The following KIR3DL1 variants were observed in gnomAD, a reference collection of about 807,000 sequenced individuals.
The protein encoded by KIR3DL1 is killer cell immunoglobulin-like receptor 3DL1.
In KIR3DL1, 50 loss-of-function variants were observed where a neutral mutation model predicts 40.3. That is an observed-to-expected ratio of 1.24 (90% CI 0.99 to 1.57). The LOEUF (loss-of-function observed/expected upper bound fraction) is 1.57. Ranked by LOEUF, KIR3DL1 falls within the 40% of genes most tolerant of loss-of-function variation. The pLI, the probability that KIR3DL1 is intolerant of heterozygous loss-of-function variation, is 0.00. For synonymous variants in KIR3DL1, 257 were observed against 207.2 expected, an observed-to-expected ratio of 1.24 and a Z score of -2.07; for missense variants, 661 against 559.9, an observed-to-expected ratio of 1.18 and a Z score of -1.82.
rs913259539 is a variant in KIR3DL1, at chr19:54,821,980, C to A, written c.949+122C>A. On this transcript the variant is annotated intron_variant, in intron 5 of 8. Coordinates refer to ENST00000391728, the Ensembl canonical transcript of KIR3DL1. Reference sequence around the variant, plus strand: ...AGAGAAGACACAGCAGGTGTGAGGGCGGAGTCAGGGCGCAGGATGGCAGAC... The same window carrying A: ...AGAGAAGACACAGCAGGTGTGAGGGAGGAGTCAGGGCGCAGGATGGCAGAC... The A allele has an allele frequency of 4.0e-6, 5 of 1,244,558 alleles. No homozygotes were observed. In the Admixed American group the frequency reaches 9.9e-5, roughly 25 times the overall value. The allele number at this position is 1,244,558 out of a possible 1,614,324, so 77.1% of individuals were successfully genotyped here.
intron 4 of KIR3DL1, among the ~76,000 whole-genome samples, chr19:54,820,576 G>A (rs1478416415): frequency 6.6e-6 from 1 of 151,408 alleles, no homozygotes; most frequent in African/African-American, 2.4e-5. Flanking sequence ...GGATTCTGAG[G>A]CTCATATTCC....
At chr19:54,819,889 G>A in exon 4 of KIR3DL1, 2 of 1,612,198 alleles carry the variant, frequency 1.2e-6, no homozygotes, top group African/African-American at 1.3e-5. Flanking sequence ...GGTCTCCAAG[G>A]CCAATTTCTC....
intron 2 of KIR3DL1, among the ~76,000 whole-genome samples, chr19:54,817,903 T>C (rs1408216103): frequency 6.9e-6 from 1 of 145,292 alleles, no homozygotes; most frequent in African/African-American, 2.7e-5. Context: ...TCCGTGATGG[T>C]AGGGGCTGCA....
rs1177873135 is a variant in KIR3DL1, at chr19:54,827,923, G to T, written c.1001-1438G>T. On this transcript the variant is annotated intron_variant, in intron 6 of 8. Transcript: ENST00000391728. ...ATCTCACCCCTACTTCCAATCACCT[G>T]TGGAAATACAGATAGATCATGGGGA... Among the ~76,000 whole-genome samples, 16 of 149,876 alleles carry T rather than the reference G, an allele frequency of 1.1e-4. 1 individual carries two copies. The highest frequency in any genetic ancestry group is 3.7e-4 in the African/African-American group (15 of 40,026).
chr19:54,820,517 C>G (rs144011110), intron 4 of KIR3DL1, among the ~76,000 whole-genome samples: 6 of 151,442 alleles, frequency 4.0e-5, no homozygotes, highest in Non-Finnish European at 7.4e-5. Context: ...ATATCATGGC[C>G]CCTGAACACC....
chr19:54,816,568 CG>C (rs1569421888), intron 1 of KIR3DL1, 34 bp downstream of exon 1: 3 of 1,603,986 alleles, frequency 1.9e-6, no homozygotes. Flanking sequence ...GGAGGGAGTG[CG>C]GGGATGGAGA....
In KIR3DL1 at chr19:54,819,609, G is replaced by A. The variant is rs1233988945; in HGVS notation, c.356-104G>A. On this transcript the variant is annotated intron_variant, in intron 3 of 8. Coordinates refer to ENST00000391728, the Ensembl canonical transcript of KIR3DL1. ...GAAAAGACACGGAGATGCAGAGAGG[G>A]AGGAGAGAGACAGACACGGGGAGGG... is the stretch of plus-strand genomic sequence containing the variant. The A allele has an allele frequency of 3.7e-6, 5 of 1,342,198 alleles. No individual in the cohort carries two copies. The African/African-American group carries it at 6.0e-5, about 16-fold the overall frequency. 83.1% of individuals were successfully genotyped at this position (1,342,198 alleles called of 1,614,324 possible).
chr19:54,818,180 G>A (rs2148067514), intron 2 of KIR3DL1, 135 bp from the exon 3 acceptor site: 2 of 830,222 alleles, frequency 2.4e-6, no homozygotes, highest in East Asian at 5.3e-5. Flanking sequence ...TGCAGGATGG[G>A]TCCTTCCTGT....
At chr19:54,821,453 AG>A in intron 4 of KIR3DL1, 111 bp from the exon 5 acceptor site, 2 of 1,301,214 alleles carry the variant, frequency 1.5e-6, no homozygotes, top group African/African-American at 3.0e-5. Context: ...AGGGTGAGAG[AG>A]AGAGAGAGAG....
At chr19:54,820,012 G>T (rs908590959) in exon 4 of KIR3DL1, 1 of 1,609,136 alleles carries the variant, frequency 6.2e-7, no homozygotes, top group Admixed American at 1.7e-5. Flanking sequence ...CGTGGTCACA[G>T]GTGAGAGTGT....
chr19:54,821,770 C>A (rs754894112), exon 5 of KIR3DL1: 8 of 1,607,502 alleles, frequency 5.0e-6, no homozygotes, highest in Non-Finnish European at 5.9e-6. Flanking sequence ...CTGCCACCCA[C>A]GGAGGGACCT....
intron 4 of KIR3DL1, among the ~76,000 whole-genome samples, 191 bp from the exon 5 acceptor site, chr19:54,821,374 G>C (rs35746443): frequency 6.6e-6 from 1 of 150,652 alleles, no homozygotes; most frequent in African/African-American, 2.5e-5. Flanking sequence ...GGGTGGGGAA[G>C]TGAGGTCATA....
At chr19:54,823,787 AAAAGGC>A (rs2061754208) in intron 5 of KIR3DL1, among the ~76,000 whole-genome samples, 1 of 151,578 alleles carries the variant, frequency 6.6e-6, no homozygotes, top group Non-Finnish European at 1.5e-5. Flanking sequence ...CCACCGGCCT[AAAAGGC>A]ATTTTAATGG....
Position 54,818,402 on chromosome 19 carries a change from A to G in KIR3DL1, c.158A>G (p.His53Arg), listed in dbSNP as rs200485372. The G allele has an allele frequency of 1.1e-4, 169 of 1,606,980 alleles. 3 individuals are homozygous for G. The highest frequency in any genetic ancestry group is 1.3e-4 in the Non-Finnish European group (157 of 1,178,168). Residue 53 changes from histidine (H) to arginine (R), a missense_variant, in exon 3 of 9, where the codon CAT becomes CGT. Physicochemically the swap from His to Arg is conservative, Grantham distance 29. This residue lies in a region of KIR3DL1 where 548 missense variants were observed against 413.3 expected (regional missense o/e 1.33). Transcript: ENST00000391728. ...GTGACTCTTCGGTGTCACTATCGTC[A>G]TAGGTTTAACAATTTCATGCTATAC... is the stretch of plus-strand genomic sequence containing the variant.
intron 3 of KIR3DL1, 65 bp downstream of exon 3, chr19:54,818,664 G>T (rs1394179455): frequency 1.9e-6 from 3 of 1,561,894 alleles, no homozygotes; most frequent in Non-Finnish European, 2.6e-6. Context: ...TTCTGGTGGG[G>T]GTGTCCGTCA....
exon 2 of KIR3DL1, chr19:54,817,547 C>T (rs753593921): frequency 4.6e-6 from 7 of 1,511,270 alleles, no homozygotes; most frequent in Middle Eastern, 1.7e-4. Context: ...TGTTCTTGGT[C>T]CAGAGGGCCG....
exon 3 of KIR3DL1, chr19:54,818,495 C>A: frequency 6.2e-7 from 1 of 1,611,170 alleles, no homozygotes. Context: ...AACATGAGCC[C>A]TGTGACCACA....
intron 6 of KIR3DL1, among the ~76,000 whole-genome samples, chr19:54,827,274 T>C (rs1168716321): frequency 6.6e-6 from 1 of 151,190 alleles, no homozygotes. Flanking sequence ...TGAGGGGTGG[T>C]GGAAATGAAG....
intron 3 of KIR3DL1, 31 bp from the exon 4 acceptor site, chr19:54,819,682 T>C (rs766023641): frequency 3.1e-6 from 5 of 1,595,978 alleles, no homozygotes; most frequent in South Asian, 1.1e-5. Context: ...TAAAGAGAGA[T>C]GCCTTCTAAA....
Sources: gnomAD v4.1 joint callset for allele counts (sites outside exome capture counted in the v4.1 genomes callset) on GRCh38, gnomAD v4.1.1 for gene constraint, gnomAD v4.1.1 regional missense constraint, MANE v1.5 for transcripts, NCBI Gene and HGNC (gene_info 2026-07-23, HGNC 2026-07-21) for gene names.